TCOF1: variants seen among roughly 807,000 people sequenced by gnomAD.
TCOF1 encodes the protein treacle protein.
Under a neutral mutation model 149.0 loss-of-function variants are expected in TCOF1, and 33 were observed. That is an observed-to-expected ratio of 0.22 (90% confidence interval 0.17 to 0.30). TCOF1 has a LOEUF of 0.30. TCOF1 is among the 10% of genes least tolerant of loss of function. The pLI, the probability that TCOF1 is intolerant of heterozygous loss-of-function variation, is 1.00. For synonymous variants in TCOF1, 789 were observed against 738.8 expected (o/e 1.07, Z -1.10); for missense variants, 1,728 against 1,840.7 (o/e 0.94, Z 1.12).
chr5:150,391,145 A>C (rs1364484461), intron 19 of TCOF1, among the ~76,000 whole-genome samples: 1 of 152,058 alleles, frequency 6.6e-6, no homozygotes, highest in African/African-American at 2.4e-5. Context: ...GAGCTGGGGG[A>C]GAGGAGATGA....
chr5:150,399,903 G>C lies in TCOF1; in HGVS notation c.*116G>C, dbSNP rs972334925. 6.6e-6 allele frequency: 1 copy of C among 152,134 alleles called. No individual in the cohort carries two copies. Among genetic ancestry groups the C allele is most frequent in the Non-Finnish European group, 1.5e-5 (1 of 68,078 alleles). 9.4% of individuals were successfully genotyped at this position (152,134 alleles called of 1,614,324 possible). A position where few individuals can be genotyped will look rare whatever the true frequency, so the allele number is the denominator to read the frequency against. ...TGGAACTAAACTGTTACCTTCCCTC[G>C]CTCCACAGAAGAAGACAGCCAGCTT... On this transcript the variant is annotated 3_prime_UTR_variant, in exon 27 of 27. Transcript: ENST00000643257.
intron 1 of TCOF1, among the ~76,000 whole-genome samples, chr5:150,359,104 T>A (rs1759392359): frequency 6.6e-6 from 1 of 150,942 alleles, no homozygotes; most frequent in African/African-American, 2.4e-5. Context: ...CCCAGCACTT[T>A]GGGAGGCCGA....
intron 1 of TCOF1, among the ~76,000 whole-genome samples, chr5:150,358,836 CA>C (rs997780967): frequency 4.8e-5 from 7 of 145,178 alleles, no homozygotes; most frequent in Admixed American, 2.0e-4. Flanking sequence ...GACTCTGCCT[CA>C]AAAAAAAAAG....
chr5:150,365,505 A>G (rs1761143321), intron 3 of TCOF1, among the ~76,000 whole-genome samples: 1 of 152,016 alleles, frequency 6.6e-6, no homozygotes, highest in South Asian at 2.1e-4. Flanking sequence ...TATCATTCCT[A>G]AGTGCATCTC....
intron 18 of TCOF1, among the ~76,000 whole-genome samples, chr5:150,389,605 A>G (rs1418120113): frequency 5.3e-5 from 8 of 152,192 alleles, no homozygotes; most frequent in Non-Finnish European, 1.2e-4. Flanking sequence ...GCTCTGGCCC[A>G]TTGCTCAGGA....
rs552568294 is a variant in TCOF1 at position 150,380,197 on chromosome 5, C to T, written c.2859+465C>T. 10 of 202,000 alleles carry T rather than the reference C, an allele frequency of 5.0e-5. 1 individual carries two copies. The South Asian group carries it at 8.1e-4, about 16-fold the overall frequency. 12.5% of individuals were successfully genotyped at this position (202,000 alleles called of 1,614,324 possible). A position where few individuals can be genotyped will look rare whatever the true frequency, so the allele number is the denominator to read the frequency against. On this transcript the variant is annotated intron_variant, in intron 17 of 26. Coordinates refer to ENST00000643257, the MANE Select transcript of TCOF1 (RefSeq NM_001371623.1). ...CACCATGCCCTCCTCCGTCTGCTGT[C>T]ATCCACATCTCCTTAGGTAAAACCT...
intron 2 of TCOF1, 75 bp downstream of exon 2, chr5:150,361,286 C>G: frequency 6.4e-7 from 1 of 1,557,584 alleles, no homozygotes. Flanking sequence ...GCTGGGATAC[C>G]TATCTGGTCT....
At chr5:150,362,288 G>A (rs1387893485) in intron 2 of TCOF1, among the ~76,000 whole-genome samples, 3 of 152,178 alleles carry the variant, frequency 2.0e-5, no homozygotes, top group Non-Finnish European at 4.4e-5. Context: ...ATCAACAGAG[G>A]AATGGTTGGA....
chr5:150,358,978 A>G (rs1049803942), intron 1 of TCOF1, among the ~76,000 whole-genome samples: 4 of 152,164 alleles, frequency 2.6e-5, no homozygotes, highest in Non-Finnish European at 5.9e-5. Context: ...AGGATACAGT[A>G]TGAGCCATGA....
intron 25 of TCOF1, 137 bp from the exon 26 acceptor site, chr5:150,398,885 G>T (rs1001739131): frequency 2.5e-6 from 3 of 1,206,900 alleles, no homozygotes; most frequent in Non-Finnish European, 2.4e-6. Flanking sequence ...CTGAACATCT[G>T]TTTGCCTCTG....
At chr5:150,368,545 G>A (rs1333960449) in intron 4 of TCOF1, 171 bp from the exon 5 acceptor site, 2 of 694,610 alleles carry the variant, frequency 2.9e-6, no homozygotes, top group East Asian at 5.5e-5. Flanking sequence ...CCTCTGGTGA[G>A]AGGAGGTGCT....
intron 1 of TCOF1, among the ~76,000 whole-genome samples, chr5:150,359,832 C>T (rs1759619283): frequency 6.6e-6 from 1 of 152,086 alleles, no homozygotes; most frequent in South Asian, 2.1e-4. Flanking sequence ...TTGGTGCTTG[C>T]TATAAAAGGC....
intron 23 of TCOF1, among the ~76,000 whole-genome samples, chr5:150,395,730 T>C (rs1768353472): frequency 6.6e-6 from 1 of 152,092 alleles, no homozygotes; most frequent in African/African-American, 2.4e-5. Context: ...AAGGGCCGAG[T>C]GTGGGTAATC....
chr5:150,373,872 G>A (rs1763093746), intron 7 of TCOF1, among the ~76,000 whole-genome samples: 2 of 152,210 alleles, frequency 1.3e-5, no homozygotes, highest in Non-Finnish European at 1.5e-5. Context: ...CAGTGTGCTG[G>A]GGCACCAGGG....
intron 17 of TCOF1, among the ~76,000 whole-genome samples, chr5:150,385,480 G>A (rs1766088043): frequency 6.6e-6 from 1 of 152,190 alleles, no homozygotes; most frequent in Non-Finnish European, 1.5e-5. Flanking sequence ...GAGGCTCCAG[G>A]CCACATCCCC....
intron 22 of TCOF1, 53 bp downstream of exon 22, chr5:150,392,843 G>T: frequency 6.3e-7 from 1 of 1,591,758 alleles, no homozygotes; most frequent in South Asian, 1.1e-5. Flanking sequence ...TGGAGCCCCA[G>T]GCCAGGCTCC....
intron 26 of TCOF1, 63 bp from the exon 27 acceptor site, chr5:150,399,747 C>T (rs1457137048): frequency 6.5e-6 from 1 of 153,828 alleles, no homozygotes; most frequent in Non-Finnish European, 1.4e-5. Flanking sequence ...TGCCAGATTT[C>T]ATTTTCCTTG....
intron 24 of TCOF1, 46 bp downstream of exon 24, chr5:150,396,888 C>G: frequency 6.4e-7 from 1 of 1,554,846 alleles, no homozygotes. Flanking sequence ...TGCTGGGCAC[C>G]CCACGGGGGC....
In TCOF1 at chr5:150,368,761, C is replaced by G. The variant is rs1223989710; in HGVS notation, c.424C>G (p.Pro142Ala). 10 of 1,614,076 alleles carry G rather than the reference C, an allele frequency of 6.2e-6. No homozygotes were observed. Among genetic ancestry groups the G allele is most frequent in the Non-Finnish European group, 8.5e-6 (10 of 1,180,030 alleles). ...CAAGACTGGGAATTCCATGCCACAC[C>G]CTGCCACTGGGAAGACGGTGGCCAA... ...AGKTGNSMPH[P>A]ATGKTVANLL... The change falls in exon 5 of 27, where the codon CCT becomes GCT. Residue 142 changes from proline (P) to alanine (A), a missense_variant. Physicochemically the swap from Pro to Ala is conservative, Grantham distance 27. This residue lies in a region of TCOF1 where 1,696 missense variants were observed against 1,765.4 expected (regional missense o/e 0.96). Transcript: ENST00000643257.
Sources: allele counts gnomAD v4.1 joint callset (sites outside exome capture counted in the v4.1 genomes callset), GRCh38; gene constraint gnomAD v4.1.1; regional missense constraint gnomAD v4.1.1; transcripts MANE v1.5; gene names NCBI Gene and HGNC (gene_info 2026-07-23, HGNC 2026-07-21).